Variants in RIPOR3 observed in about 807,000 individuals in gnomAD.
RIPOR3 encodes RIPOR family member 3.
Under a neutral mutation model 114.3 loss-of-function variants are expected in RIPOR3, and 95 were observed. The ratio of observed to expected loss-of-function variants is 0.83; its 90% CI spans 0.70 to 0.99. The LOEUF (loss-of-function observed/expected upper bound fraction) is 0.99, where lower values mean the gene tolerates loss of function less well. RIPOR3 is among the 50% of genes least tolerant of loss of function. The pLI is 0.00. For missense variants in RIPOR3, 1,252 were observed against 1,266.9 expected, an observed-to-expected ratio of 0.99 and a Z score of 0.18; for synonymous variants, 575 against 543.8, an observed-to-expected ratio of 1.06 and a Z score of -0.80.
intron 6 of RIPOR3, among the ~76,000 whole-genome samples, 180 bp from the exon 7 acceptor site, chr20:50,609,902 G>C (rs915941767): frequency 6.6e-6 from 1 of 151,992 alleles, no homozygotes. Context: ...GGCCCCAGTA[G>C]AACATGAACC....
In RIPOR3 at chr20:50,602,149, G is replaced by A. The variant is rs2083519105; in HGVS notation, c.1582C>T (p.Leu528=). The A allele has an allele frequency of 6.2e-7, 1 of 1,612,102 alleles. No individual in the cohort carries two copies. The highest frequency in any genetic ancestry group is 8.5e-7 in the Non-Finnish European group (1 of 1,179,432). The stretch of plus-strand genomic sequence containing the variant: ...GGCTGGGTGGAGTCCGTGGGCCTCA[G>A]CAACTCCAGGACCTCCTGCAGAGGC... The part of the protein sequence containing the change: ...EGPLQEVLEL[L]RPTDSTQPQL... Residue 528 remains leucine, a synonymous_variant, in exon 13 of 22, where the codon CTG becomes TTG. Transcript: ENST00000327979. The surrounding 1 kb of genome is among the most constrained non-coding windows in gnomAD (Gnocchi z 4.3).
intron 1 of RIPOR3, among the ~76,000 whole-genome samples, chr20:50,679,335 G>T (rs898961779): frequency 1.3e-5 from 2 of 150,404 alleles, no homozygotes; most frequent in Non-Finnish European, 3.0e-5. Context: ...CTTGCCCCAG[G>T]TTCATGGCCA....
rs1173513576 is a variant in RIPOR3 at position 50,596,121 on chromosome 20, A to C, written c.1914+19T>G. ...AACCCCTGTCTGCCCCTCCCTGACA[A>C]GTCCCCTAGCCCAGCCACCTGCAGC... On this transcript the variant is annotated intron_variant, in intron 15 of 21. Coordinates refer to ENST00000327979, the MANE Select transcript of RIPOR3 (RefSeq NM_001290268.2). The C allele has an allele frequency of 6.2e-7, 1 of 1,613,918 alleles. No individual in the cohort carries two copies. The highest frequency in any genetic ancestry group is 8.5e-7 in the Non-Finnish European group (1 of 1,179,934).
chr20:50,606,868 T>TCCC (rs2083740851), intron 11 of RIPOR3, among the ~76,000 whole-genome samples: 1 of 152,088 alleles, frequency 6.6e-6, no homozygotes, highest in African/African-American at 2.4e-5. Context: ...TAGCTGAAAC[T>TCCC]ATAGGCCCGT....
chr20:50,674,160 A>G (rs1195171778), intron 1 of RIPOR3, among the ~76,000 whole-genome samples: 1 of 152,094 alleles, frequency 6.6e-6, no homozygotes, highest in Non-Finnish European at 1.5e-5. Context: ...GAAAGAGCAT[A>G]TGTCTGATGC....
chr20:50,623,260 TAAAAAAAAAA>T (rs57108911), intron 2 of RIPOR3, among the ~76,000 whole-genome samples: 27 of 113,294 alleles, frequency 2.4e-4, no homozygotes, highest in African/African-American at 6.4e-4. Flanking sequence ...AACTCTGCCT[TAAAAAAAAAA>T]AAAAAAAAAG....
At chr20:50,600,852 T>C (rs2122967919) in intron 13 of RIPOR3, among the ~76,000 whole-genome samples, 1 of 152,312 alleles carries the variant, frequency 6.6e-6, no homozygotes, top group South Asian at 2.1e-4. Context: ...TTAACAACCA[T>C]AGTAGTGGTA....
intron 2 of RIPOR3, among the ~76,000 whole-genome samples, chr20:50,624,508 A>G (rs1001029514): frequency 5.3e-5 from 8 of 152,202 alleles, no homozygotes; most frequent in East Asian, 1.9e-4. Flanking sequence ...CTCTGAGCCT[A>G]GTGCTCCTTG....
At chr20:50,651,227 G>T (rs532305217) in intron 1 of RIPOR3, among the ~76,000 whole-genome samples, 2 of 152,160 alleles carry the variant, frequency 1.3e-5, no homozygotes, top group African/African-American at 2.4e-5. Flanking sequence ...CAGCCCCCCA[G>T]TGACAGCTAG....
intron 1 of RIPOR3, among the ~76,000 whole-genome samples, chr20:50,680,609 C>T (rs560582300): frequency 3.3e-5 from 5 of 152,364 alleles, no homozygotes; most frequent in African/African-American, 9.6e-5. Context: ...GGTAATCTCA[C>T]GCCGACCTGG....
At position 50,599,950 on chromosome 20, in the gene RIPOR3, G is replaced by A. The variant is rs141323828; in HGVS notation, c.1659+2122C>T. ...GAGTCTCGCTCTGTTGCCCAGGCTG[G>A]AGTGCATTGGTGCGATCTTGGCTCA... On this transcript the variant is annotated intron_variant, in intron 13 of 21. Transcript: ENST00000327979. Among the ~76,000 whole-genome samples the A allele has an allele frequency of 3.6e-3, 551 of 152,084 alleles. 5 individuals are homozygous for A. The highest frequency in any genetic ancestry group is 0.012 in the African/African-American group (516 of 41,454).
chr20:50,604,642 C>T lies in RIPOR3; in HGVS notation c.1086+3G>A. 1 of 1,605,348 alleles carries T rather than the reference C, an allele frequency of 6.2e-7. No individual in the cohort carries two copies. The highest frequency in any genetic ancestry group is 1.3e-5 in the African/African-American group (1 of 74,330). On this transcript the variant is annotated splice_donor_region_variant and intron_variant, in intron 12 of 21. Transcript: ENST00000327979. The stretch of plus-strand genomic sequence containing the variant: ...CGGCCCTGCCCCGGGAAGGCTCACT[C>T]ACCAGGTAGTATCTCTCCCGGAAGC...
At chr20:50,690,111 T>C (rs777119030) in intron 1 of RIPOR3, among the ~76,000 whole-genome samples, 1 of 152,236 alleles carries the variant, frequency 6.6e-6, no homozygotes, top group Non-Finnish European at 1.5e-5. Flanking sequence ...ACGATAATAT[T>C]AATATGTGAT....
At chr20:50,644,129 T>C (rs2085305609) in intron 1 of RIPOR3, among the ~76,000 whole-genome samples, 2 of 151,980 alleles carry the variant, frequency 1.3e-5, no homozygotes, top group South Asian at 4.1e-4. Flanking sequence ...CTAAAAAAAT[T>C]TAAAAATAAA....
At chr20:50,653,756 CT>C (rs1196642514) in intron 1 of RIPOR3, among the ~76,000 whole-genome samples, 1 of 151,922 alleles carries the variant, frequency 6.6e-6, no homozygotes, top group Non-Finnish European at 1.5e-5. Flanking sequence ...CACTTGGCTA[CT>C]TTTTGAATTT....
At chr20:50,589,827 C>G (rs1055033130) in intron 19 of RIPOR3, 58 bp from the exon 20 acceptor site, 31 of 1,519,940 alleles carry the variant, frequency 2.0e-5, no homozygotes, top group Non-Finnish European at 2.6e-5. Context: ...GTCCATGGTT[C>G]CGGGTCCATC....
At chr20:50,609,965 TCACCTGCCACCCCTACCA>T (rs1568854371) in intron 6 of RIPOR3, among the ~76,000 whole-genome samples, 2 of 118,346 alleles carry the variant, frequency 1.7e-5, no homozygotes, top group African/African-American at 3.1e-5. Context: ...CACCACTGCC[TCACCTGCCACCCCTACCA>T]CCCCTGCCTC....
chr20:50,613,753 C>T (rs1369077426), intron 4 of RIPOR3, among the ~76,000 whole-genome samples: 1 of 152,192 alleles, frequency 6.6e-6, no homozygotes, highest in African/African-American at 2.4e-5. Context: ...GAAACGAAGT[C>T]CACGGGGTGA....
chr20:50,606,527 C>T (rs573118832), intron 11 of RIPOR3, among the ~76,000 whole-genome samples: 5 of 152,294 alleles, frequency 3.3e-5, no homozygotes, highest in African/African-American at 7.2e-5. Flanking sequence ...ATGGATGGGC[C>T]GCTGGCGAAA....
Sources: allele counts gnomAD v4.1 joint callset (sites outside exome capture counted in the v4.1 genomes callset), GRCh38; gene constraint gnomAD v4.1.1; non-coding constraint Gnocchi (gnomAD v3.1); transcripts MANE v1.5; gene names NCBI Gene and HGNC (gene_info 2026-07-23, HGNC 2026-07-21).